Variants in MECOM observed in about 807,000 individuals in gnomAD.
MECOM encodes the protein histone-lysine N-methyltransferase MECOM.
In MECOM, 13 loss-of-function variants were observed where a neutral mutation model predicts 116.3. The ratio of observed to expected loss-of-function variants is 0.11; its 90% CI spans 0.07 to 0.18. The LOEUF is 0.18. Among genes scored for constraint, MECOM ranks in the 10% least tolerant of loss-of-function variants. The probability of loss-of-function intolerance (pLI) is 1.00; values close to 1 mark genes in which losing one functional copy is unlikely to be tolerated. For missense variants in MECOM, 1,299 were observed against 1,509.0 expected (o/e 0.86, Z 2.31); for synonymous variants, 528 against 535.2 (o/e 0.99, Z 0.19).
In MECOM at chr3:169,159,952, A is replaced by G. The variant is rs570543944; in HGVS notation, c.376-16120T>C. On this transcript the variant is annotated intron_variant, in intron 2 of 16. Coordinates refer to ENST00000651503, the MANE Select transcript of MECOM (RefSeq NM_004991.4). ...GCACTTAATTTAGTGTCTAGCACAT[A>G]CTAAGCACCTAATAAGCATGAGCTA... Among the ~76,000 whole-genome samples the G allele has an allele frequency of 8.6e-4, 131 of 152,344 alleles. 1 individual carries two copies. The highest frequency in any genetic ancestry group is 3.0e-3 in the African/African-American group (124 of 41,580).
intron 12 of MECOM, among the ~76,000 whole-genome samples, chr3:169,096,413 G>A (rs534595270): frequency 5.3e-5 from 8 of 152,080 alleles, no homozygotes; most frequent in South Asian, 4.2e-4. Context: ...TGGGGTTACA[G>A]GCACGTGTCA....
intron 6 of MECOM, 36 bp from the exon 7 acceptor site, chr3:169,121,245 TAACTC>T (rs760805695): frequency 6.4e-7 from 1 of 1,552,086 alleles, no homozygotes; most frequent in South Asian, 1.2e-5. Flanking sequence ...TCAAGAAACT[TAACTC>T]AAGGGCACAA....
intron 2 of MECOM, among the ~76,000 whole-genome samples, chr3:169,157,940 T>C (rs776999162): frequency 1.3e-5 from 2 of 152,200 alleles, no homozygotes; most frequent in Non-Finnish European, 2.9e-5. Flanking sequence ...TAGAGCTGGA[T>C]CATGATGTGG....
intron 1 of MECOM, among the ~76,000 whole-genome samples, chr3:169,406,444 C>T (rs1213218273): frequency 1.3e-5 from 2 of 152,120 alleles, no homozygotes; most frequent in East Asian, 3.9e-4. Flanking sequence ...TTGAAAGAGC[C>T]ACAAGTATAG....
chr3:169,584,299 C>G (rs1023580352), intron 1 of MECOM, among the ~76,000 whole-genome samples: 1 of 152,086 alleles, frequency 6.6e-6, no homozygotes, highest in Non-Finnish European at 1.5e-5. Flanking sequence ...GGCGCGGGGG[C>G]TCACTCCTGT....
At chr3:169,108,345 A>G (rs563540745) in intron 9 of MECOM, among the ~76,000 whole-genome samples, 1 of 152,350 alleles carries the variant, frequency 6.6e-6, no homozygotes, top group African/African-American at 2.4e-5. Flanking sequence ...AATGTTAATA[A>G]CAAAGAAAAG....
intron 2 of MECOM, among the ~76,000 whole-genome samples, chr3:169,232,812 T>C (rs1753562848): frequency 6.6e-6 from 1 of 152,116 alleles, no homozygotes; most frequent in African/African-American, 2.4e-5. Context: ...CCCCAAACAC[T>C]GTATGTTGCC....
chr3:169,246,043 C>T (rs1755544401), intron 2 of MECOM, among the ~76,000 whole-genome samples: 1 of 152,114 alleles, frequency 6.6e-6, no homozygotes, highest in Non-Finnish European at 1.5e-5. Context: ...TTCTGATTTA[C>T]AGATATTAAG....
chr3:169,477,130 T>A (rs866537991), intron 1 of MECOM: 2 of 95,484 alleles, frequency 2.1e-5, no homozygotes, highest in South Asian at 7.1e-4. Flanking sequence ...TATATATATA[T>A]ATATATATAT....
At chr3:169,435,473 T>A (rs1166833663) in intron 1 of MECOM, among the ~76,000 whole-genome samples, 5 of 152,148 alleles carry the variant, frequency 3.3e-5, no homozygotes, top group Non-Finnish European at 7.3e-5. Flanking sequence ...GTGACCCTAG[T>A]GGAGCCTGGG....
At chr3:169,580,656 T>C (rs1436631124) in intron 1 of MECOM, among the ~76,000 whole-genome samples, 1 of 152,144 alleles carries the variant, frequency 6.6e-6, no homozygotes, top group Non-Finnish European at 1.5e-5. Context: ...GAGACTCTCA[T>C]TCAAGTGTGA....
chr3:169,443,360 C>G (rs73172097), intron 1 of MECOM, among the ~76,000 whole-genome samples: 1 of 152,060 alleles, frequency 6.6e-6, no homozygotes, highest in Non-Finnish European at 1.5e-5. Context: ...GCACTACTCT[C>G]TGTGGGGGGA....
At chr3:169,454,150 T>A (rs1400561728) in intron 1 of MECOM, among the ~76,000 whole-genome samples, 2 of 152,206 alleles carry the variant, frequency 1.3e-5, no homozygotes, top group Admixed American at 1.3e-4. Context: ...TATCGAGTGC[T>A]ATATTCTAAT....
At chr3:169,214,446 ACT>A (rs1473880784) in intron 2 of MECOM, among the ~76,000 whole-genome samples, 2 of 151,690 alleles carry the variant, frequency 1.3e-5, no homozygotes, top group East Asian at 3.9e-4. Flanking sequence ...AAAAAAACAA[ACT>A]CATTCTAGGA....
chr3:169,459,237 G>C (rs779621455), intron 1 of MECOM, among the ~76,000 whole-genome samples: 31 of 152,120 alleles, frequency 2.0e-4, no homozygotes, highest in Non-Finnish European at 2.5e-4. Flanking sequence ...TTCTTGACCT[G>C]GTGTTTTGTG....
At chr3:169,378,648 T>C (rs1049906596) in intron 2 of MECOM, among the ~76,000 whole-genome samples, 2 of 151,598 alleles carry the variant, frequency 1.3e-5, no homozygotes, top group Admixed American at 1.3e-4. Context: ...ATGGTTGATA[T>C]GGGAGAGAAA....
intron 2 of MECOM, among the ~76,000 whole-genome samples, chr3:169,240,060 C>G (rs936666860): frequency 1.3e-5 from 2 of 152,072 alleles, no homozygotes; most frequent in African/African-American, 4.8e-5. Context: ...GTTTCAATAA[C>G]CAAATAAACT....
intron 2 of MECOM, among the ~76,000 whole-genome samples, chr3:169,219,517 C>T (rs1377173912): frequency 1.3e-5 from 2 of 151,900 alleles, no homozygotes; most frequent in South Asian, 2.1e-4. Flanking sequence ...AAAAACAAAA[C>T]AGAACAAAAC....
At chr3:169,431,330 C>T (rs1225631645) in intron 1 of MECOM, among the ~76,000 whole-genome samples, 1 of 152,180 alleles carries the variant, frequency 6.6e-6, no homozygotes, top group Non-Finnish European at 1.5e-5. Context: ...AGGCTGGGAA[C>T]TTCCTGTGGT....
Sources: gnomAD v4.1 joint callset for allele counts (sites outside exome capture counted in the v4.1 genomes callset) on GRCh38, gnomAD v4.1.1 for gene constraint, MANE v1.5 for transcripts, NCBI Gene and HGNC (gene_info 2026-07-23, HGNC 2026-07-21) for gene names.